Variants in TBCK observed in about 807,000 individuals in gnomAD.
The protein encoded by TBCK is TBC domain-containing protein kinase-like protein.
A neutral mutation model predicts 113.4 loss-of-function variants in TBCK; 99 were observed. That is an observed-to-expected ratio of 0.87 (90% CI 0.74 to 1.03). The LOEUF is 1.03. Among genes scored for constraint, TBCK ranks in the 50% least tolerant of loss-of-function variants. The pLI is 0.00. For missense variants in TBCK, 1,045 were observed against 1,061.3 expected, an observed-to-expected ratio of 0.98 and a Z score of 0.21; for synonymous variants, 369 against 370.8, an observed-to-expected ratio of 1.00 and a Z score of 0.05.
intron 19 of TBCK, among the ~76,000 whole-genome samples, chr4:106,215,655 A>G (rs1444599317): frequency 6.6e-6 from 1 of 152,218 alleles, no homozygotes; most frequent in Non-Finnish European, 1.5e-5. Flanking sequence ...CAATTCAACA[A>G]GAAGAGCTAA....
chr4:106,289,259 T>A (rs1425181222), intron 3 of TBCK, among the ~76,000 whole-genome samples: 2 of 152,184 alleles, frequency 1.3e-5, no homozygotes, highest in East Asian at 3.9e-4. Flanking sequence ...GCAAATGAAG[T>A]ACTACAGTAC....
intron 3 of TBCK, among the ~76,000 whole-genome samples, chr4:106,271,367 G>C (rs1763457886): frequency 6.6e-6 from 1 of 152,086 alleles, no homozygotes; most frequent in Non-Finnish European, 1.5e-5. Flanking sequence ...TTAATTTTAG[G>C]TTCTCCTGTG....
chr4:106,305,388 T>C (rs1203323943), intron 2 of TBCK, among the ~76,000 whole-genome samples: 1 of 152,148 alleles, frequency 6.6e-6, no homozygotes, highest in Non-Finnish European at 1.5e-5. Flanking sequence ...TTTTTGAGAC[T>C]ACCAGCATCA....
intron 23 of TBCK, among the ~76,000 whole-genome samples, chr4:106,132,325 T>C (rs903796035): frequency 9.8e-5 from 15 of 152,316 alleles, no homozygotes; most frequent in African/African-American, 3.6e-4. Context: ...CTGCTTCAGC[T>C]CCAGCCCTGG....
At chr4:106,255,609 A>G (rs1179024936) in intron 5 of TBCK, among the ~76,000 whole-genome samples, 16 of 152,120 alleles carry the variant, frequency 1.1e-4, no homozygotes, top group Admixed American at 1.0e-3. Flanking sequence ...CCCCAAAGAG[A>G]GTGTCACAGC....
rs35285037 is a variant in TBCK, at chr4:106,045,057, C to CTTTTTTTTTT, written c.*1503_*1512dup. ...ATTTCTGAAATGGGAATGTATCTTT[C>CTTTTTTTTTT]TTTTTTTTTTTTTTTTTGAGATGGC... is the stretch of plus-strand genomic sequence containing the variant. On this transcript the variant is annotated 3_prime_UTR_variant, in exon 26 of 26. Transcript: ENST00000394708. 1 of 126,948 alleles carries CTTTTTTTTTT rather than the reference C, an allele frequency of 7.9e-6. No homozygotes were observed. The highest frequency in any genetic ancestry group is 1.7e-5 in the Non-Finnish European group (1 of 60,114). The allele number at this position is 126,948 out of a possible 1,614,324, so 7.9% of individuals were successfully genotyped here. A position where few individuals can be genotyped will look rare whatever the true frequency, so the allele number is the denominator to read the frequency against.
intron 20 of TBCK, among the ~76,000 whole-genome samples, chr4:106,208,807 A>G (rs887310034): frequency 1.6e-4 from 24 of 152,146 alleles, no homozygotes; most frequent in Admixed American, 1.3e-4. Flanking sequence ...TGGATGTGAG[A>G]CTGAAAGAAC....
intron 20 of TBCK, among the ~76,000 whole-genome samples, chr4:106,200,132 T>G (rs74349962): frequency 6.6e-6 from 1 of 152,194 alleles, no homozygotes; most frequent in Non-Finnish European, 1.5e-5. Context: ...TGCTTCCACA[T>G]CAGGGCTGTA....
chr4:106,058,972 G>A (rs1735734471), intron 25 of TBCK, among the ~76,000 whole-genome samples: 1 of 151,672 alleles, frequency 6.6e-6, no homozygotes. Context: ...TTTAGACCTA[G>A]TTAACAGAGT....
chr4:106,095,697 G>A (rs1214647558), intron 24 of TBCK, 56 bp from the exon 25 acceptor site: 82 of 1,513,798 alleles, frequency 5.4e-5, no homozygotes, highest in Non-Finnish European at 7.2e-5. Flanking sequence ...GAGTGTCTGA[G>A]GGAAACTCAC....
intron 23 of TBCK, among the ~76,000 whole-genome samples, chr4:106,133,271 T>C (rs775020966): frequency 2.0e-5 from 3 of 152,160 alleles, no homozygotes; most frequent in South Asian, 4.2e-4. Flanking sequence ...ATAAGTCTCA[T>C]GAGATCTGAT....
intron 22 of TBCK, among the ~76,000 whole-genome samples, 176 bp downstream of exon 22, chr4:106,193,433 C>T (rs1226887088): frequency 6.6e-6 from 1 of 152,030 alleles, no homozygotes; most frequent in East Asian, 1.9e-4. Flanking sequence ...TTTGTATTTA[C>T]AATGCTGGGT....
intron 23 of TBCK, among the ~76,000 whole-genome samples, chr4:106,149,375 T>TA (rs1196559845): frequency 1.3e-5 from 2 of 152,246 alleles, no homozygotes; most frequent in Admixed American, 6.5e-5. Context: ...CCTTCCTCAC[T>TA]AAGCTTAATC....
In TBCK at chr4:106,248,117, T is replaced by A. The variant is rs190157175; in HGVS notation, c.782+128A>T. On this transcript the variant is annotated intron_variant, in intron 9 of 25. Coordinates refer to ENST00000394708, the MANE Select transcript of TBCK (RefSeq NM_001163435.3). Reference sequence around the variant, plus strand: ...AAGCTTACATCATTCACAGTTATGATACTGATGTCAATTATATACTACTCC... The same window carrying A: ...AAGCTTACATCATTCACAGTTATGAAACTGATGTCAATTATATACTACTCC... 4.2e-4 allele frequency: 201 copies of A among 479,742 alleles called. 3 individuals are homozygous for A. The highest frequency in any genetic ancestry group is 1.6e-3 in the Middle Eastern group (4 of 2,492). 29.7% of individuals were successfully genotyped at this position (479,742 alleles called of 1,614,324 possible).
chr4:106,141,849 A>C lies in TBCK; in HGVS notation c.2236-25471T>G, dbSNP rs1422640349. Among the ~76,000 whole-genome samples, 3 of 141,170 alleles carry C rather than the reference A, an allele frequency of 2.1e-5. 1 individual carries two copies. Among genetic ancestry groups the C allele is most frequent in the African/African-American group, 7.5e-5 (3 of 40,022 alleles). The allele number at this position is 141,170 out of a possible 152,430, so 92.6% of individuals were successfully genotyped here. On this transcript the variant is annotated intron_variant, in intron 23 of 25. Transcript: ENST00000394708. ...CACAATACTAAAATAATTTTTCCCAAGGGATAAAGAAAAAAGAAAGCTAAT... is the reference window on the plus strand; with the variant it reads ...CACAATACTAAAATAATTTTTCCCACGGGATAAAGAAAAAAGAAAGCTAAT...
chr4:106,161,776 AAGAG>A lies in TBCK; in HGVS notation c.2235+9315_2235+9318del, dbSNP rs148791823. 3.9e-3 allele frequency among the ~76,000 whole-genome samples: 585 copies of A among 151,912 alleles called. 6 individuals carry two copies. The highest frequency in any genetic ancestry group is 0.013 in the African/African-American group (538 of 41,438). On this transcript the variant is annotated intron_variant, in intron 23 of 25. Coordinates refer to ENST00000394708, the MANE Select transcript of TBCK (RefSeq NM_001163435.3). ...TTCAAGACATATTGCTAAGCAAAAA[AAGAG>A]AGAAGTTTGGGCTGGAGCTAATAAC...
intron 3 of TBCK, among the ~76,000 whole-genome samples, chr4:106,289,156 G>T (rs1765415572): frequency 6.6e-6 from 1 of 152,108 alleles, no homozygotes; most frequent in Admixed American, 6.5e-5. Context: ...AATGTTTCTG[G>T]GAATATTCTA....
intron 8 of TBCK, 148 bp downstream of exon 8, chr4:106,248,773 C>G: frequency 1.6e-6 from 1 of 621,206 alleles, no homozygotes; most frequent in East Asian, 2.9e-5. Context: ...CAGCCCTCAC[C>G]AGACGACCAA....
chr4:106,170,119 A>G (rs2149734345), intron 23 of TBCK, among the ~76,000 whole-genome samples: 1 of 152,164 alleles, frequency 6.6e-6, no homozygotes, highest in Non-Finnish European at 1.5e-5. Flanking sequence ...AACATTTACC[A>G]TTTACTGACA....
Sources: allele counts gnomAD v4.1 joint callset (sites outside exome capture counted in the v4.1 genomes callset), GRCh38; gene constraint gnomAD v4.1.1; transcripts MANE v1.5; gene names NCBI Gene and HGNC (gene_info 2026-07-23, HGNC 2026-07-21).